LRFN5: variants seen among roughly 807,000 people sequenced by gnomAD.
LRFN5 encodes leucine rich repeat and fibronectin type III domain containing 5.
A neutral mutation model predicts 45.6 loss-of-function variants in LRFN5; 24 were observed. That is an observed-to-expected ratio of 0.53 (90% CI 0.38 to 0.74). LRFN5 has a LOEUF of 0.74. Among genes scored for constraint, LRFN5 ranks in the 30% least tolerant of loss-of-function variants. LRFN5 has a pLI of 0.00. For synonymous variants in LRFN5, 340 were observed against 313.8 expected (o/e 1.08, Z -0.88); for missense variants, 776 against 861.5 (o/e 0.90, Z 1.24).
intron 2 of LRFN5, among the ~76,000 whole-genome samples, chr14:41,839,096 AC>A (rs1405243461): frequency 2.6e-5 from 4 of 152,074 alleles, no homozygotes; most frequent in Admixed American, 2.6e-4. Context: ...AGTGTATTCT[AC>A]CTACTACTGA....
intron 2 of LRFN5, among the ~76,000 whole-genome samples, chr14:41,817,096 G>A (rs1887948629): frequency 7.1e-6 from 1 of 141,540 alleles, no homozygotes; most frequent in Non-Finnish European, 1.5e-5. Context: ...CTTTATTTCT[G>A]TTACAATGTT....
chr14:41,714,287 AC>A (rs1247312425), intron 1 of LRFN5, among the ~76,000 whole-genome samples: 2 of 152,162 alleles, frequency 1.3e-5, no homozygotes, highest in Admixed American at 1.3e-4. Context: ...TTGGCTGCCC[AC>A]ATAAATTTGG....
At chr14:41,749,914 T>C (rs1221807167) in intron 1 of LRFN5, among the ~76,000 whole-genome samples, 1 of 152,188 alleles carries the variant, frequency 6.6e-6, no homozygotes, top group East Asian at 1.9e-4. Flanking sequence ...GGGTTACTGA[T>C]GTTAGACAAC....
chr14:41,901,432 TTGTGTG>T (rs3032306), intron 5 of LRFN5, among the ~76,000 whole-genome samples: 3,970 of 147,816 alleles, frequency 0.027, 118 homozygotes, highest in African/African-American at 0.074. Context: ...TATGTATGCA[TTGTGTG>T]TGTGTGTGTG....
intron 1 of LRFN5, among the ~76,000 whole-genome samples, chr14:41,617,273 G>A (rs775164949): frequency 3.3e-5 from 5 of 152,080 alleles, no homozygotes; most frequent in South Asian, 4.1e-4. Context: ...TGTACTCTAT[G>A]CACTAACCCT....
At chr14:41,749,409 T>C (rs1001914328) in intron 1 of LRFN5, among the ~76,000 whole-genome samples, 4 of 152,122 alleles carry the variant, frequency 2.6e-5, no homozygotes, top group Admixed American at 6.6e-5. Flanking sequence ...TTAACAAACA[T>C]TCATTGATTT....
At chr14:41,704,406 TTTTCTCTC>T (rs1882963797) in intron 1 of LRFN5, among the ~76,000 whole-genome samples, 1 of 98,028 alleles carries the variant, frequency 1.0e-5, no homozygotes, top group Non-Finnish European at 1.9e-5. Flanking sequence ...ATTGTTATAC[TTTTCTCTC>T]TCTCTCTCTC....
chr14:41,670,457 C>T (rs115399402), intron 1 of LRFN5, among the ~76,000 whole-genome samples: 3,153 of 150,482 alleles, frequency 0.021, 100 homozygotes, highest in African/African-American at 0.07. Flanking sequence ...ATGCATTAAC[C>T]TATTTAAAAA....
intron 1 of LRFN5, among the ~76,000 whole-genome samples, chr14:41,666,584 A>G (rs1254370808): frequency 3.3e-5 from 5 of 152,174 alleles, no homozygotes; most frequent in African/African-American, 7.2e-5. Flanking sequence ...ATTTATGTGG[A>G]AAAATGCAAG....
chr14:41,802,274 G>A (rs948102281), intron 2 of LRFN5, among the ~76,000 whole-genome samples: 2 of 152,088 alleles, frequency 1.3e-5, no homozygotes, highest in South Asian at 2.1e-4. Context: ...ATTTATAGCC[G>A]AGGAACAGGT....
chr14:41,812,531 A>C (rs1392561630), intron 2 of LRFN5, among the ~76,000 whole-genome samples: 2 of 151,866 alleles, frequency 1.3e-5, no homozygotes, highest in African/African-American at 4.8e-5. Flanking sequence ...ATTCTCAATT[A>C]TATATACAAA....
chr14:41,645,640 A>AT (rs1879781765), intron 1 of LRFN5, among the ~76,000 whole-genome samples: 1 of 152,198 alleles, frequency 6.6e-6, no homozygotes, highest in Admixed American at 6.5e-5. Flanking sequence ...TTAAGGTCAC[A>AT]TGTTCCTCTT....
intron 1 of LRFN5, among the ~76,000 whole-genome samples, chr14:41,754,204 G>C (rs1222945835): frequency 1.3e-5 from 2 of 152,082 alleles, no homozygotes; most frequent in Non-Finnish European, 2.9e-5. Context: ...ATGTTCATCG[G>C]GGATATTGGT....
At chr14:41,839,137 A>G (rs889347009) in intron 2 of LRFN5, among the ~76,000 whole-genome samples, 3 of 152,096 alleles carry the variant, frequency 2.0e-5, no homozygotes, top group African/African-American at 7.2e-5. Context: ...AATTACTTGG[A>G]ATGTCATATA....
At chr14:41,810,872 TCAGG>T (rs980047003) in intron 2 of LRFN5, among the ~76,000 whole-genome samples, 1 of 152,062 alleles carries the variant, frequency 6.6e-6, no homozygotes, top group African/African-American at 2.4e-5. Context: ...AGAAAAGCCT[TCAGG>T]CAAGCACAAG....
At chr14:41,751,776 A>T (rs1282434285) in intron 1 of LRFN5, among the ~76,000 whole-genome samples, 1 of 151,978 alleles carries the variant, frequency 6.6e-6, no homozygotes, top group Non-Finnish European at 1.5e-5. Flanking sequence ...ATTTTTTTAA[A>T]ATTATACTTT....
intron 2 of LRFN5, among the ~76,000 whole-genome samples, chr14:41,817,475 G>C (rs1887961895): frequency 6.6e-6 from 1 of 152,026 alleles, no homozygotes; most frequent in East Asian, 1.9e-4. Context: ...TTACGAGCTT[G>C]TACCTCTGAA....
At chr14:41,799,414 A>C (rs1280373046) in intron 2 of LRFN5, among the ~76,000 whole-genome samples, 4 of 147,500 alleles carry the variant, frequency 2.7e-5, no homozygotes, top group African/African-American at 1.0e-4. Context: ...TACAAACTTA[A>C]CAACTAATAG....
chr14:41,650,266 C>CACACACACACACACA (rs1247683262), intron 1 of LRFN5, among the ~76,000 whole-genome samples: 2 of 135,456 alleles, frequency 1.5e-5, no homozygotes, highest in African/African-American at 5.6e-5. Flanking sequence ...CACACACACA[C>CACACACACACACACA]AAAAAAAAAA....
Sources: allele counts gnomAD v4.1 joint callset (sites outside exome capture counted in the v4.1 genomes callset), GRCh38; gene constraint gnomAD v4.1.1; transcripts MANE v1.5; gene names NCBI Gene and HGNC (gene_info 2026-07-23, HGNC 2026-07-21).